MOB3B: variants seen among roughly 807,000 people sequenced by gnomAD.
MOB3B encodes the protein MOB kinase activator 3B.
MOB3B carries 7 observed loss-of-function variants against 18.7 expected under a neutral mutation model. That is an observed-to-expected ratio of 0.37 (90% CI 0.21 to 0.70). The LOEUF is 0.70. Among genes scored for constraint, MOB3B ranks in the 30% least tolerant of loss-of-function variants. MOB3B has a pLI of 0.52. For synonymous variants in MOB3B, 111 were observed against 99.9 expected (o/e 1.11, Z -0.66); for missense variants, 253 against 281.3 (o/e 0.90, Z 0.72).
intron 2 of MOB3B, among the ~76,000 whole-genome samples, chr9:27,446,990 T>C (rs1018312034): frequency 1.5e-5 from 2 of 133,594 alleles, no homozygotes; most frequent in African/African-American, 3.0e-5. Context: ...TTCACTAGAA[T>C]AGGAAATTAG....
chr9:27,377,504 C>T (rs1821506452), intron 2 of MOB3B, among the ~76,000 whole-genome samples: 1 of 152,156 alleles, frequency 6.6e-6, no homozygotes, highest in Admixed American at 6.5e-5. Flanking sequence ...AACACCTAGA[C>T]CAGTGTTCTC....
At chr9:27,394,845 C>T (rs191736897) in intron 2 of MOB3B, among the ~76,000 whole-genome samples, 2 of 152,082 alleles carry the variant, frequency 1.3e-5, no homozygotes, top group East Asian at 1.9e-4. Flanking sequence ...ATCATGTTAT[C>T]TTAAAAGCTG....
chr9:27,529,051 C>T (rs922708324), intron 1 of MOB3B, among the ~76,000 whole-genome samples: 3 of 152,118 alleles, frequency 2.0e-5, no homozygotes, highest in Non-Finnish European at 4.4e-5. Flanking sequence ...ACCTGGCTGA[C>T]GGTGCGGACT....
At chr9:27,439,628 C>A (rs1445466747) in intron 2 of MOB3B, among the ~76,000 whole-genome samples, 2 of 152,176 alleles carry the variant, frequency 1.3e-5, no homozygotes, top group African/African-American at 4.8e-5. Flanking sequence ...CTGCAGGGAC[C>A]TCATGCTTTG....
chr9:27,511,454 A>C (rs1467054151), intron 1 of MOB3B, among the ~76,000 whole-genome samples: 1 of 152,206 alleles, frequency 6.6e-6, no homozygotes, highest in African/African-American at 2.4e-5. Context: ...TGCTCAATGC[A>C]TGCTTCATGC....
chr9:27,510,365 T>C (rs1820124968), intron 1 of MOB3B, among the ~76,000 whole-genome samples: 1 of 152,248 alleles, frequency 6.6e-6, no homozygotes, highest in Admixed American at 6.5e-5. Flanking sequence ...GTCCTCCCTG[T>C]ATTCCATCTT....
rs181847241 is a variant in MOB3B, at chr9:27,399,803, C to T, written c.419-40567G>A. Among the ~76,000 whole-genome samples the T allele has an allele frequency of 4.3e-4, 66 of 152,208 alleles. No individual in the cohort carries two copies. The South Asian group carries it at 4.6e-3, about 11-fold the overall frequency. ...ATTAGCATCTCAAATTTAATATGTC[C>T]CCAAATGAGATCGTATCTTCCTACA... On this transcript the variant is annotated intron_variant, in intron 2 of 3. Transcript: ENST00000262244.
chr9:27,362,085 C>T (rs1821282788), intron 2 of MOB3B, among the ~76,000 whole-genome samples: 1 of 152,192 alleles, frequency 6.6e-6, no homozygotes, highest in Non-Finnish European at 1.5e-5. Flanking sequence ...GCTCTGTTCC[C>T]CCCATCTCTG....
rs115256271 is a variant in MOB3B, at chr9:27,454,722, T to C, written c.418+411A>G. ...CCAGTTTGTTTGATCCCCAAACAAA[T>C]CTATGAATTCTCACACTGGAATTTC... On this transcript the variant is annotated intron_variant, in intron 2 of 3. Transcript: ENST00000262244. Among the ~76,000 whole-genome samples, 414 of 152,288 alleles carry C rather than the reference T, an allele frequency of 2.7e-3. 1 individual carries two copies. Among genetic ancestry groups the C allele is most frequent in the African/African-American group, 9.5e-3 (393 of 41,554 alleles).
At chr9:27,351,995 T>G (rs1821111505) in intron 3 of MOB3B, among the ~76,000 whole-genome samples, 1 of 151,900 alleles carries the variant, frequency 6.6e-6, no homozygotes, top group Non-Finnish European at 1.5e-5. Context: ...ACACTGGGGG[T>G]GGGACATGCA....
chr9:27,488,741 C>A (rs760105595), intron 1 of MOB3B, among the ~76,000 whole-genome samples: 1 of 152,142 alleles, frequency 6.6e-6, no homozygotes, highest in Non-Finnish European at 1.5e-5. Context: ...CATGGCATAC[C>A]CATCGAGTAG....
intron 1 of MOB3B, among the ~76,000 whole-genome samples, chr9:27,490,485 A>G (rs1208710829): frequency 6.6e-6 from 1 of 152,242 alleles, no homozygotes; most frequent in Middle Eastern, 3.2e-3. Context: ...AGGAGATGAG[A>G]TTTGAATGTG....
chr9:27,341,067 G>T (rs967577500), intron 3 of MOB3B, among the ~76,000 whole-genome samples: 1 of 152,210 alleles, frequency 6.6e-6, no homozygotes, highest in Admixed American at 6.5e-5. Context: ...ATGCGGGAGG[G>T]CAGGGGAAGG....
chr9:27,436,083 G>A (rs182857501), intron 2 of MOB3B, among the ~76,000 whole-genome samples: 56 of 152,184 alleles, frequency 3.7e-4, no homozygotes, highest in African/African-American at 1.1e-3. Context: ...CCCAGACCCC[G>A]TACCACCATC....
rs188988709 is a variant in MOB3B, at chr9:27,412,686, G to A, written c.418+42447C>T. 5.9e-5 allele frequency among the ~76,000 whole-genome samples: 9 copies of A among 152,332 alleles called. No individual in the cohort carries two copies. In the East Asian group the frequency reaches 1.7e-3, roughly 29 times the overall value. On this transcript the variant is annotated intron_variant, in intron 2 of 3. Coordinates refer to ENST00000262244, the MANE Select transcript of MOB3B (RefSeq NM_024761.5). Reference sequence around the variant, plus strand: ...TCTTATTTCTAGTTAGGAAGAGAAAGAAGACAGTGATGGGGGTTTAAGCAG... The same window carrying A: ...TCTTATTTCTAGTTAGGAAGAGAAAAAAGACAGTGATGGGGGTTTAAGCAG...
At chr9:27,395,595 C>G (rs781540934) in intron 2 of MOB3B, among the ~76,000 whole-genome samples, 3 of 152,120 alleles carry the variant, frequency 2.0e-5, no homozygotes. Context: ...CAACAGGGAG[C>G]GAATGTGATT....
At position 27,524,438 on chromosome 9, in the gene MOB3B, C is replaced by G. The variant is rs747160794; in HGVS notation, c.-199+5117G>C. On this transcript the variant is annotated intron_variant, in intron 1 of 3. Transcript: ENST00000262244. ...TATCCCTGGACTGTAACTTACTGAA[C>G]GTTCACCTGAGAAGAGTCACCTGGC... 1.2e-5 allele frequency: 20 copies of G among 1,614,080 alleles called. No individual in the cohort carries two copies. The highest frequency in any genetic ancestry group is 1.7e-5 in the Non-Finnish European group (20 of 1,179,986).
intron 2 of MOB3B, among the ~76,000 whole-genome samples, chr9:27,398,968 A>AT (rs1271345328): frequency 7.0e-6 from 1 of 142,132 alleles, no homozygotes; most frequent in Non-Finnish European, 1.5e-5. Flanking sequence ...CAAAATGGCA[A>AT]TTTTTTAGCA....
Position 27,403,549 on chromosome 9 carries a change from A to G in MOB3B, c.419-44313T>C, listed in dbSNP as rs867755423. On this transcript the variant is annotated intron_variant, in intron 2 of 3. Transcript: ENST00000262244. ...TTTTTTTTTTTTTTTTTTTTTTTTT[A>G]AGAGACAGGGTCTTACCCTGCTGCC... 7.3e-3 allele frequency among the ~76,000 whole-genome samples: 363 copies of G among 49,526 alleles called. 1 individual carries two copies. Among genetic ancestry groups the G allele is most frequent in the Middle Eastern group, 0.016 (1 of 64 alleles). 32.5% of individuals were successfully genotyped at this position (49,526 alleles called of 152,430 possible).
Sources: allele counts gnomAD v4.1 joint callset (sites outside exome capture counted in the v4.1 genomes callset), GRCh38; gene constraint gnomAD v4.1.1; transcripts MANE v1.5; gene names NCBI Gene and HGNC (gene_info 2026-07-23, HGNC 2026-07-21).